Variants in PDGFC observed in about 807,000 individuals in gnomAD.
PDGFC encodes platelet-derived growth factor C.
Under a neutral mutation model 35.5 loss-of-function variants are expected in PDGFC, and 12 were observed. The ratio of observed to expected loss-of-function variants is 0.34; its 90% CI spans 0.22 to 0.55. The LOEUF (loss-of-function observed/expected upper bound fraction) is 0.55, where lower values mean the gene tolerates loss of function less well. Ranked by LOEUF, PDGFC falls within the 20% of genes least tolerant of loss-of-function variation. The pLI, the probability that PDGFC is intolerant of heterozygous loss-of-function variation, is 0.91. For synonymous variants in PDGFC, 159 were observed against 148.8 expected, an observed-to-expected ratio of 1.07 and a Z score of -0.50; for missense variants, 322 against 412.4, an observed-to-expected ratio of 0.78 and a Z score of 1.90.
At chr4:156,853,503 C>T (rs1729502220) in intron 1 of PDGFC, among the ~76,000 whole-genome samples, 1 of 152,118 alleles carries the variant, frequency 6.6e-6, no homozygotes, top group African/African-American at 2.4e-5. Context: ...AACATGTTTC[C>T]TCTTAATAGA....
intron 1 of PDGFC, among the ~76,000 whole-genome samples, chr4:156,860,622 T>C (rs997636162): frequency 2.0e-5 from 3 of 152,160 alleles, no homozygotes; most frequent in African/African-American, 7.2e-5. Flanking sequence ...ATTGCAGCAA[T>C]AGTAATAATA....
At chr4:156,861,521 CT>C in intron 1 of PDGFC, 2 of 887,172 alleles carry the variant, frequency 2.3e-6, no homozygotes, top group Non-Finnish European at 1.6e-6. Context: ...AAAATTGAGT[CT>C]TTTGGTGACC....
At chr4:156,954,854 AG>A (rs756592591) in intron 1 of PDGFC, among the ~76,000 whole-genome samples, 4 of 152,058 alleles carry the variant, frequency 2.6e-5, no homozygotes, top group Non-Finnish European at 5.9e-5. Context: ...TTATGACACC[AG>A]ATGCCAAGAC....
chr4:156,847,002 C>T (rs952478753), intron 2 of PDGFC, among the ~76,000 whole-genome samples: 6 of 151,356 alleles, frequency 4.0e-5, no homozygotes, highest in Non-Finnish European at 7.4e-5. Flanking sequence ...TTGCTTATAA[C>T]ACAAATAATA....
chr4:156,776,224 T>C (rs1163205836), intron 3 of PDGFC, among the ~76,000 whole-genome samples: 4 of 152,186 alleles, frequency 2.6e-5, no homozygotes, highest in Non-Finnish European at 4.4e-5. Context: ...ATAATTAGTA[T>C]CTAGAAAATT....
intron 1 of PDGFC, among the ~76,000 whole-genome samples, chr4:156,926,738 G>A (rs1731423929): frequency 6.6e-6 from 1 of 152,192 alleles, no homozygotes; most frequent in East Asian, 1.9e-4. Flanking sequence ...CCTCCTGGCT[G>A]ACTTTGTGGG....
intron 3 of PDGFC, among the ~76,000 whole-genome samples, chr4:156,808,298 G>A (rs907753863): frequency 2.6e-5 from 4 of 152,190 alleles, no homozygotes; most frequent in Non-Finnish European, 5.9e-5. Context: ...CCTCAATGCA[G>A]AAAGTTAATT....
chr4:156,822,082 T>C (rs1732277692), intron 2 of PDGFC, among the ~76,000 whole-genome samples: 1 of 151,990 alleles, frequency 6.6e-6, no homozygotes, highest in Non-Finnish European at 1.5e-5. Flanking sequence ...TCTTTCATAG[T>C]GAAATTTAAA....
At chr4:156,954,478 G>A (rs1732157282) in intron 1 of PDGFC, among the ~76,000 whole-genome samples, 1 of 151,854 alleles carries the variant, frequency 6.6e-6, no homozygotes, top group Admixed American at 6.6e-5. Flanking sequence ...ACTAGAAAGA[G>A]CAAAAGGGGA....
At chr4:156,821,100 G>A (rs1483923157) in intron 2 of PDGFC, among the ~76,000 whole-genome samples, 1 of 152,106 alleles carries the variant, frequency 6.6e-6, no homozygotes. Flanking sequence ...TAATTCAGGA[G>A]TGGGACAAGA....
At chr4:156,911,015 C>T (rs7691826) in intron 1 of PDGFC, among the ~76,000 whole-genome samples, 2,843 of 152,142 alleles carry the variant, frequency 0.019, 101 homozygotes, top group African/African-American at 0.065. Context: ...CCTCTTAACG[C>T]GGTGTTTTAC....
At chr4:156,780,407 C>T (rs1447382341) in intron 3 of PDGFC, among the ~76,000 whole-genome samples, 3 of 152,092 alleles carry the variant, frequency 2.0e-5, no homozygotes, top group Non-Finnish European at 2.9e-5. Context: ...AACCCAAAAT[C>T]TTTGAAGACA....
intron 1 of PDGFC, among the ~76,000 whole-genome samples, chr4:156,953,029 C>A (rs1732119545): frequency 6.6e-6 from 1 of 151,608 alleles, no homozygotes; most frequent in South Asian, 2.1e-4. Flanking sequence ...TTTGGAGTAC[C>A]AACAAAAAGC....
rs929370648 is a variant in PDGFC at position 156,863,916 on chromosome 4, ATTAC to A, written c.119-13504_119-13501del. 2.1e-4 allele frequency among the ~76,000 whole-genome samples: 32 copies of A among 152,220 alleles called. 1 individual carries two copies. The highest frequency in any genetic ancestry group is 1.1e-3 in the Admixed American group (17 of 15,270). ...ACACATATATTCATTTAATTATTTG[ATTAC>A]TTAGTTTTTAAAGTATCTGCGCATA... On this transcript the variant is annotated intron_variant, in intron 1 of 5. Coordinates refer to ENST00000502773, the MANE Select transcript of PDGFC (RefSeq NM_016205.3).
At chr4:156,822,474 T>C (rs901529155) in intron 2 of PDGFC, among the ~76,000 whole-genome samples, 1 of 151,818 alleles carries the variant, frequency 6.6e-6, no homozygotes, top group African/African-American at 2.4e-5. Flanking sequence ...TATTACTGAA[T>C]GACAAAAAGG....
At chr4:156,829,341 T>A (rs1415847520) in intron 2 of PDGFC, among the ~76,000 whole-genome samples, 1 of 152,178 alleles carries the variant, frequency 6.6e-6, no homozygotes, top group Non-Finnish European at 1.5e-5. Context: ...TTCAGATTGT[T>A]AGGTGATTTC....
intron 1 of PDGFC, among the ~76,000 whole-genome samples, chr4:156,940,920 ATATGT>A (rs1731789883): frequency 6.6e-6 from 1 of 152,202 alleles, no homozygotes; most frequent in South Asian, 2.1e-4. Flanking sequence ...TTTTTCATAA[ATATGT>A]TAATGTGTTT....
chr4:156,948,048 A>T (rs1731988801), intron 1 of PDGFC, among the ~76,000 whole-genome samples: 1 of 151,870 alleles, frequency 6.6e-6, no homozygotes, highest in South Asian at 2.1e-4. Context: ...GCTGCAAAGC[A>T]GGGATTTTCT....
chr4:156,893,889 C>A (rs1442080902), intron 1 of PDGFC, among the ~76,000 whole-genome samples: 1 of 152,030 alleles, frequency 6.6e-6, no homozygotes, highest in African/African-American at 2.4e-5. Context: ...AAAAAGCATG[C>A]CAAAGGTTAC....
Sources: gnomAD v4.1 joint callset for allele counts (sites outside exome capture counted in the v4.1 genomes callset) on GRCh38, gnomAD v4.1.1 for gene constraint, MANE v1.5 for transcripts, NCBI Gene and HGNC (gene_info 2026-07-23, HGNC 2026-07-21) for gene names.